The following NEDD4L variants were observed in gnomAD, a reference collection of about 807,000 sequenced individuals.
The protein encoded by NEDD4L is E3 ubiquitin-protein ligase NEDD4-like.
In NEDD4L, 54 loss-of-function variants were observed where a neutral mutation model predicts 148.9. The ratio of observed to expected loss-of-function variants is 0.36; its 90% CI spans 0.29 to 0.45. The LOEUF (loss-of-function observed/expected upper bound fraction) is 0.45, where lower values mean the gene tolerates loss of function less well. NEDD4L is among the 20% of genes least tolerant of loss of function. The pLI is 1.00. For missense variants in NEDD4L, 856 were observed against 1,233.8 expected (o/e 0.69, Z 4.59); for synonymous variants, 433 against 440.7 (o/e 0.98, Z 0.22).
At chr18:58,095,769 A>G (rs181087074) in intron 1 of NEDD4L, among the ~76,000 whole-genome samples, 1 of 152,324 alleles carries the variant, frequency 6.6e-6, no homozygotes. Flanking sequence ...AGGTTTGCCT[A>G]TATACTTAAA....
chr18:58,160,186 A>G (rs2146495802), intron 1 of NEDD4L, among the ~76,000 whole-genome samples: 1 of 152,318 alleles, frequency 6.6e-6, no homozygotes, highest in South Asian at 2.1e-4. Flanking sequence ...GTGGGTGGCT[A>G]TGGGACTCTA....
intron 1 of NEDD4L, among the ~76,000 whole-genome samples, chr18:58,082,784 A>T (rs1490821758): frequency 1.4e-5 from 2 of 142,308 alleles, no homozygotes; most frequent in Non-Finnish European, 3.0e-5. Context: ...GCAAGACTCC[A>T]TCTCAAAAAA....
intron 5 of NEDD4L, among the ~76,000 whole-genome samples, chr18:58,258,442 A>C (rs1432584372): frequency 6.6e-6 from 1 of 152,216 alleles, no homozygotes; most frequent in Admixed American, 6.5e-5. Context: ...GTGGAAGACA[A>C]AGGGATTCAT....
chr18:58,312,258 G>A (rs1273694886), intron 5 of NEDD4L, among the ~76,000 whole-genome samples: 1 of 152,286 alleles, frequency 6.6e-6, no homozygotes, highest in African/African-American at 2.4e-5. Context: ...TTGGATGGCA[G>A]GTAATGGCAT....
intron 1 of NEDD4L, among the ~76,000 whole-genome samples, chr18:58,098,899 A>C (rs957810092): frequency 6.6e-6 from 1 of 152,190 alleles, no homozygotes. Context: ...TACCCAACCC[A>C]TGTCACAGGG....
At chr18:58,315,849 CG>C (rs1292177049) in intron 5 of NEDD4L, 132 bp from the exon 6 acceptor site, 2 of 812,828 alleles carry the variant, frequency 2.5e-6, no homozygotes, top group East Asian at 4.9e-5. Flanking sequence ...CGTGTCTCCT[CG>C]GGGCCTTCCG....
At chr18:58,165,606 CTT>C (rs1342730292) in intron 1 of NEDD4L, 180 bp from the exon 2 acceptor site, 6 of 1,470,140 alleles carry the variant, frequency 4.1e-6, no homozygotes, top group Non-Finnish European at 4.5e-6. Flanking sequence ...GAGTCACAGA[CTT>C]TTAGAGCTGG....
At position 58,342,979 on chromosome 18, in the gene NEDD4L, C is replaced by G. The variant is rs1464565097; in HGVS notation, c.1451C>G (p.Pro484Arg). 3.7e-6 allele frequency: 6 copies of G among 1,613,844 alleles called. No individual in the cohort carries two copies. The highest frequency in any genetic ancestry group is 4.2e-6 in the Non-Finnish European group (5 of 1,179,892). Reference sequence around the variant, plus strand: ...AACCCACAGTCCCCACAGCCATCACCTTACAACTCCCCCAAACCACAACAC... The same window carrying G: ...AACCCACAGTCCCCACAGCCATCACGTTACAACTCCCCCAAACCACAACAC... ...LSNPQSPQPS[P>R]YNSPKPQHKV... Residue 484 changes from proline to arginine, a missense_variant, in exon 16 of 31, where the codon CCT becomes CGT. By Grantham distance (103) the Pro-to-Arg change is moderately radical. Around this residue, in one of 4 missense-constraint regions of NEDD4L, gnomAD observed 367 missense variants for 422.7 expected, o/e 0.87. Transcript: ENST00000400345.
intron 5 of NEDD4L, among the ~76,000 whole-genome samples, chr18:58,279,487 G>T (rs749235267): frequency 1.3e-4 from 20 of 152,208 alleles, no homozygotes; most frequent in Non-Finnish European, 2.5e-4. Flanking sequence ...GCTTGGAAAT[G>T]AGAAAATCTC....
rs1172510795 is a variant in NEDD4L, at chr18:58,396,420, G to A, written c.*151G>A. ...CTTCACCACGCACTCGTCCAAGTTC[G>A]GATGCGGGAACCTGGTCCCAGCTTG... is the stretch of plus-strand genomic sequence containing the variant. On this transcript the variant is annotated 3_prime_UTR_variant, in exon 31 of 31. Coordinates refer to ENST00000400345, the MANE Select transcript of NEDD4L (RefSeq NM_001144967.3). 4 of 564,674 alleles carry A rather than the reference G, an allele frequency of 7.1e-6. No homozygotes were observed. The highest frequency in any genetic ancestry group is 1.3e-5 in the Non-Finnish European group (4 of 311,138). 35.0% of individuals were successfully genotyped at this position (564,674 alleles called of 1,614,324 possible). A position where few individuals can be genotyped will look rare whatever the true frequency, so the allele number is the denominator to read the frequency against.
intron 5 of NEDD4L, among the ~76,000 whole-genome samples, chr18:58,257,221 G>A (rs2048712437): frequency 6.6e-6 from 1 of 152,124 alleles, no homozygotes; most frequent in Non-Finnish European, 1.5e-5. Context: ...TATTGCAAAG[G>A]ACCTCAGTTT....
chr18:58,347,779 C>G (rs2043285713), intron 16 of NEDD4L, among the ~76,000 whole-genome samples: 1 of 152,180 alleles, frequency 6.6e-6, no homozygotes, highest in Non-Finnish European at 1.5e-5. Flanking sequence ...TTTTTTGATT[C>G]TTGCCAGTTC....
At chr18:58,367,478 A>G (rs1377484912) in intron 21 of NEDD4L, among the ~76,000 whole-genome samples, 4 of 152,254 alleles carry the variant, frequency 2.6e-5, no homozygotes, top group Non-Finnish European at 5.9e-5. Context: ...TGGCTGAACC[A>G]TATGAAATAG....
chr18:58,130,659 T>A (rs2031950965), intron 1 of NEDD4L, among the ~76,000 whole-genome samples: 1 of 140,806 alleles, frequency 7.1e-6, no homozygotes, highest in African/African-American at 2.7e-5. Context: ...TGGTTGACTG[T>A]GATCTAGCAG....
intron 1 of NEDD4L, among the ~76,000 whole-genome samples, chr18:58,123,265 C>T (rs1175367505): frequency 6.6e-6 from 1 of 152,216 alleles, no homozygotes; most frequent in Non-Finnish European, 1.5e-5. Context: ...AGCTGCCTTT[C>T]TGTACCTCAT....
In NEDD4L at chr18:58,256,889, A is replaced by G. The variant is rs889234807; in HGVS notation, c.297+4835A>G. ...TCCGGGAGTTTCCCTGCTTCAGGCC[A>G]GTGGATCTGAATGTTTGGCCGAGTT... On this transcript the variant is annotated intron_variant, in intron 5 of 30. Coordinates refer to ENST00000400345, the MANE Select transcript of NEDD4L (RefSeq NM_001144967.3). This position sits in a 1 kb window ranked among gnomAD's most constrained non-coding sequence, Gnocchi z 5.2. 6.3e-6 allele frequency: 6 copies of G among 954,502 alleles called. No individual in the cohort carries two copies. Among genetic ancestry groups the G allele is most frequent in the Admixed American group, 4.3e-5 (1 of 23,338 alleles). The allele number at this position is 954,502 out of a possible 1,614,324, so 59.1% of individuals were successfully genotyped here.
Position 58,373,238 on chromosome 18 carries a change from T to C in NEDD4L, c.2321T>C (p.Met774Thr), listed in dbSNP as rs757736499. The change falls in exon 24 of 31, where the codon ATG becomes ACG. Residue 774 changes from methionine (M) to threonine (T), a missense_variant. By Grantham distance (81) the Met-to-Thr change is moderately conservative. Transcript: ENST00000400345. ...AATGACCCTACTGAGCTGGACCTCA[T>C]GTTCTGCATAGACGAAGAAAACTTT... ...LENDPTELDLMFCIDEENFGQ... is the reference protein window; with the variant it reads ...LENDPTELDLTFCIDEENFGQ... 6.3e-7 allele frequency: 1 copy of C among 1,581,184 alleles called. No homozygotes were observed. Among genetic ancestry groups the C allele is most frequent in the Admixed American group, 1.8e-5 (1 of 56,342 alleles).
At position 58,349,570 on chromosome 18, in the gene NEDD4L, C is replaced by T; in HGVS notation, c.1609C>T (p.Arg537Trp). The T allele has an allele frequency of 2.5e-6, 4 of 1,613,944 alleles. No homozygotes were observed. Among genetic ancestry groups the T allele is most frequent in the Non-Finnish European group, 3.4e-6 (4 of 1,179,804 alleles). ...DPRLKFPVHM[R>W]SKTSLNPNDL... Reference sequence around the variant, plus strand: ...ACGTTTGAAATTTCCAGTACATATGCGGTCAAAGACATCTTTAAACCCCAA... The same window carrying T: ...ACGTTTGAAATTTCCAGTACATATGTGGTCAAAGACATCTTTAAACCCCAA... The change falls in exon 17 of 31, where the codon CGG becomes TGG. Residue 537 changes from arginine to tryptophan, a missense_variant. This residue lies in a region of NEDD4L where 367 missense variants were observed against 422.7 expected (regional missense o/e 0.87). Coordinates refer to ENST00000400345, the MANE Select transcript of NEDD4L (RefSeq NM_001144967.3).
chr18:58,180,382 G>A (rs146686921), intron 2 of NEDD4L, among the ~76,000 whole-genome samples: 9 of 151,872 alleles, frequency 5.9e-5, no homozygotes, highest in South Asian at 4.2e-4. Context: ...AGCACATGGC[G>A]CTAAGATTCT....
Sources: gnomAD v4.1 joint callset for allele counts (sites outside exome capture counted in the v4.1 genomes callset) on GRCh38, gnomAD v4.1.1 for gene constraint, gnomAD v4.1.1 regional missense constraint, Gnocchi (gnomAD v3.1) non-coding constraint, MANE v1.5 for transcripts, NCBI Gene and HGNC (gene_info 2026-07-23, HGNC 2026-07-21) for gene names.